Variants in TOP3B observed in about 807,000 individuals in gnomAD.
TOP3B encodes DNA topoisomerase 3-beta-1.
TOP3B carries 45 observed loss-of-function variants against 93.9 expected under a neutral mutation model. The ratio of observed to expected loss-of-function variants is 0.48; its 90% CI spans 0.38 to 0.61. The LOEUF (loss-of-function observed/expected upper bound fraction) is 0.61, where lower values mean the gene tolerates loss of function less well. TOP3B is among the 20% of genes least tolerant of loss of function. The probability of loss-of-function intolerance (pLI) is 0.00; values close to 1 mark genes in which losing one functional copy is unlikely to be tolerated. For missense variants in TOP3B, 750 were observed against 1,156.1 expected (o/e 0.65, Z 5.09); for synonymous variants, 357 against 472.6 (o/e 0.76, Z 3.17).
Position 21,958,513 on chromosome 22 carries a change from G to A in TOP3B, c.2086C>T (p.Pro696Ser). The A allele has an allele frequency of 6.2e-7, 1 of 1,614,080 alleles. No homozygotes were observed. Residue 696 changes from proline (P) to serine (S), a missense_variant, in exon 17 of 18, where the codon CCC (proline) becomes TCC (serine). Pro to Ser is a moderately conservative substitution (Grantham distance 74). Around this residue, in one of 4 missense-constraint regions of TOP3B, gnomAD observed 737 missense variants for 933.7 expected, o/e 0.79. Coordinates refer to ENST00000357179, the MANE Select transcript of TOP3B (RefSeq NM_001282112.2). Reference protein sequence around the residue: ...PLCPYCYNHPPFRDMKKGMGC... With the variant: ...PLCPYCYNHPSFRDMKKGMGC... The stretch of plus-strand genomic sequence containing the variant: ...TCACCTTTCTTCATGTCTCGGAAGG[G>A]TGGGTGGTTGTAGCAGTAGGGGCAC...
At chr22:21,964,593 C>T (rs909734268) in intron 9 of TOP3B, 1 of 499,002 alleles carries the variant, frequency 2.0e-6, no homozygotes, top group Admixed American at 3.3e-5. Context: ...GGTGCATCCT[C>T]ATGGGGCTCA....
intron 16 of TOP3B, 157 bp from the exon 17 acceptor site, chr22:21,958,850 C>T (rs185904802): frequency 1.4e-5 from 18 of 1,298,272 alleles, no homozygotes; most frequent in Middle Eastern, 2.8e-4. Flanking sequence ...TTGCTCCACG[C>T]GTGCAGAAAA....
chr22:21,967,742 A>G (rs757013466), intron 7 of TOP3B, 26 bp from the exon 8 acceptor site: 33 of 1,587,962 alleles, frequency 2.1e-5, no homozygotes, highest in Non-Finnish European at 2.8e-5. Context: ...TAAAGGGTGA[A>G]CGCACAAGAA....
chr22:21,975,447 G>T, intron 2 of TOP3B, 193 bp downstream of exon 2: 1 of 546,396 alleles, frequency 1.8e-6, no homozygotes, highest in Non-Finnish European at 3.0e-6. Context: ...GTGCCTTATG[G>T]GAACCCCAGC....
At chr22:21,972,783 G>T in intron 3 of TOP3B, 65 bp from the exon 4 acceptor site, 1 of 1,338,708 alleles carries the variant, frequency 7.5e-7, no homozygotes, top group Non-Finnish European at 1.1e-6. Flanking sequence ...CATAACCCCA[G>T]GAGGATGTTG....
In TOP3B at chr22:21,962,846, C is replaced by T. The variant is rs541903697; in HGVS notation, c.1252G>A (p.Ala418Thr). 1.7e-5 allele frequency: 28 copies of T among 1,613,978 alleles called. No homozygotes were observed. In the South Asian group the frequency reaches 2.0e-4, roughly 11 times the overall value. The change falls in exon 12 of 18, where the codon GCC (alanine) becomes ACC (threonine). Residue 418 changes from alanine (A) to threonine (T), a missense_variant. Coordinates refer to ENST00000357179, the MANE Select transcript of TOP3B (RefSeq NM_001282112.2). Reference sequence around the variant, plus strand: ...TACTTGCAGTCATGGCTGACCGTGGCGATGAAGTGTCTGGTGATGTACTCA... The same window carrying T: ...TACTTGCAGTCATGGCTGACCGTGGTGATGAAGTGTCTGGTGATGTACTCA... ...LYEYITRHFIATVSHDCKYLQ... is the reference protein window; with the variant it reads ...LYEYITRHFITTVSHDCKYLQ...
chr22:21,979,737 C>G (rs886537951), intron 1 of TOP3B, among the ~76,000 whole-genome samples: 2 of 151,690 alleles, frequency 1.3e-5, no homozygotes, highest in African/African-American at 2.4e-5. Flanking sequence ...GTCAGGAGAT[C>G]AAGACCATCC....
At chr22:21,959,254 G>A (rs1000233244) in intron 15 of TOP3B, 22 bp from the exon 16 acceptor site, 2 of 1,610,142 alleles carry the variant, frequency 1.2e-6, no homozygotes, top group Non-Finnish European at 8.5e-7. Flanking sequence ...CAGAGTGCAG[G>A]AGTCATCTCC....
intron 4 of TOP3B, 177 bp from the exon 5 acceptor site, chr22:21,972,128 G>A: frequency 7.1e-6 from 4 of 562,068 alleles, no homozygotes; most frequent in South Asian, 2.4e-5. Context: ...CAACAGAAAA[G>A]AATTGAGTTT....
In TOP3B at chr22:21,959,182, T is replaced by G. The variant is rs1455939251; in HGVS notation, c.1855A>C (p.Lys619Gln). 6.2e-7 allele frequency: 1 copy of G among 1,613,762 alleles called. No individual in the cohort carries two copies. The highest frequency in any genetic ancestry group is 1.1e-5 in the South Asian group (1 of 91,080). Residue 619 changes from lysine to glutamine, a missense_variant, in exon 16 of 18, where the codon AAG becomes CAG. This residue lies in a region of TOP3B where 737 missense variants were observed against 933.7 expected (regional missense o/e 0.79). Coordinates refer to ENST00000357179, the MANE Select transcript of TOP3B (RefSeq NM_001282112.2). Reference protein sequence around the residue: ...VSFSPLAATGKPLSRCGKCHR... With the variant: ...VSFSPLAATGQPLSRCGKCHR... ...CACTTCCCACAGCGTGAGAGGGGCT[T>G]GCCTGTGGCCGCCAGGGGCGAGAAA...
At chr22:21,966,532 G>C (rs2266976) in intron 8 of TOP3B, 3 of 152,174 alleles carry the variant, frequency 2.0e-5, no homozygotes, top group African/African-American at 7.2e-5. Context: ...ATGAAATCTC[G>C]TAATTTTTAA....
At chr22:21,967,036 T>A (rs954974239) in intron 8 of TOP3B, 1 of 154,664 alleles carries the variant, frequency 6.5e-6, no homozygotes, top group Non-Finnish European at 1.4e-5. Flanking sequence ...GCCTGTAGCA[T>A]GTTTACTTCA....
chr22:21,962,284 A>G (rs1187609042), intron 13 of TOP3B, 145 bp downstream of exon 13: 1 of 1,589,856 alleles, frequency 6.3e-7, no homozygotes, highest in East Asian at 2.2e-5. Context: ...GGCTGGCCAC[A>G]CACTGGGTCA....
At chr22:21,976,647 T>C in intron 1 of TOP3B, 1 of 152,150 alleles carries the variant, frequency 6.6e-6, no homozygotes, top group East Asian at 1.9e-4. Context: ...CATCATGCCA[T>C]CATCAGCGAC....
intron 1 of TOP3B, chr22:21,977,294 T>G (rs922358317): frequency 2.0e-5 from 3 of 152,132 alleles, no homozygotes; most frequent in African/African-American, 7.2e-5. Flanking sequence ...TTTGGGAGGC[T>G]GAGGTGGGTG....
chr22:21,960,150 AG>A, intron 14 of TOP3B, 170 bp downstream of exon 14: 1 of 983,874 alleles, frequency 1.0e-6, no homozygotes, highest in Non-Finnish European at 1.5e-6. Flanking sequence ...TGCTCTGGGC[AG>A]GTCCTGGGGG....
chr22:21,958,733 GCCA>G (rs1229406908), intron 16 of TOP3B, 40 bp from the exon 17 acceptor site: 1 of 1,553,634 alleles, frequency 6.4e-7, no homozygotes, highest in East Asian at 2.3e-5. Flanking sequence ...GGTCACTGGG[GCCA>G]CCGACTTGGC....
intron 1 of TOP3B, among the ~76,000 whole-genome samples, chr22:21,978,713 G>A (rs2084548685): frequency 1.3e-5 from 2 of 149,166 alleles, no homozygotes; most frequent in African/African-American, 4.9e-5. Context: ...AGACCTGACT[G>A]TAGGGTCTGG....
At chr22:21,974,625 C>A in intron 2 of TOP3B, 137 bp from the exon 3 acceptor site, 2 of 987,292 alleles carry the variant, frequency 2.0e-6, no homozygotes, top group Non-Finnish European at 2.9e-6. Flanking sequence ...ATTCCGCAGA[C>A]TGGTGCGGGT....
Sources: allele counts gnomAD v4.1 joint callset (sites outside exome capture counted in the v4.1 genomes callset), GRCh38; gene constraint gnomAD v4.1.1; regional missense constraint gnomAD v4.1.1; transcripts MANE v1.5; gene names NCBI Gene and HGNC (gene_info 2026-07-23, HGNC 2026-07-21).